The following SHISAL1 variants were observed in gnomAD, a reference collection of about 807,000 sequenced individuals.
SHISAL1 encodes the protein shisa like 1.
In SHISAL1, 9 loss-of-function variants were observed where a neutral mutation model predicts 22.6. The ratio of observed to expected loss-of-function variants is 0.40; its 90% CI spans 0.24 to 0.70. The LOEUF is 0.70. Ranked by LOEUF, SHISAL1 falls within the 30% of genes least tolerant of loss-of-function variation. The pLI, the probability that SHISAL1 is intolerant of heterozygous loss-of-function variation, is 0.39. For missense variants in SHISAL1, 246 were observed against 270.6 expected (o/e 0.91, Z 0.64); for synonymous variants, 119 against 115.4 (o/e 1.03, Z -0.20).
chr22:44,243,688 CCTT>C lies in SHISAL1; in HGVS notation c.*5994_*5996del, dbSNP rs2054974283. 1 of 152,176 alleles carries C rather than the reference CCTT, an allele frequency of 6.6e-6. No homozygotes were observed. The highest frequency in any genetic ancestry group is 6.5e-5 in the Admixed American group (1 of 15,274). 9.4% of individuals were successfully genotyped at this position (152,176 alleles called of 1,614,324 possible). On this transcript the variant is annotated 3_prime_UTR_variant, in exon 5 of 5. Coordinates refer to ENST00000381176, the MANE Select transcript of SHISAL1 (RefSeq NM_001099294.2). ...TCTAGGGAACAGTTGACATGACACT[CCTT>C]TATTAAAACCTAGGGACATTGTTAT...
chr22:44,285,803 G>A, intron 3 of SHISAL1, 58 bp from the exon 4 acceptor site: 1 of 1,411,474 alleles, frequency 7.1e-7, no homozygotes, highest in Non-Finnish European at 9.9e-7. Context: ...GCTCAGGCCG[G>A]CTTCATCAGT....
chr22:44,274,684 T>C lies in SHISAL1; in HGVS notation c.599+10744A>G, dbSNP rs891348777. 3.3e-5 allele frequency among the ~76,000 whole-genome samples: 5 copies of C among 152,094 alleles called. No homozygotes were observed. The South Asian group carries it at 8.3e-4, about 25-fold the overall frequency. ...AATCGCAGGGTCATCGCTGATTCAA[T>C]AGGAGAACAAAATCAGAAGGCACAT... On this transcript the variant is annotated intron_variant, in intron 4 of 4. Transcript: ENST00000381176.
At chr22:44,309,376 A>T (rs2055501856) in intron 1 of SHISAL1, among the ~76,000 whole-genome samples, 1 of 152,180 alleles carries the variant, frequency 6.6e-6, no homozygotes, top group African/African-American at 2.4e-5. Flanking sequence ...CTGGAGCCCC[A>T]CCAACAGTCC....
intron 3 of SHISAL1, among the ~76,000 whole-genome samples, chr22:44,289,827 ATGCAGGGGTCTT>A (rs2055341053): frequency 6.6e-6 from 1 of 152,256 alleles, no homozygotes; most frequent in Non-Finnish European, 1.5e-5. Flanking sequence ...TTCCATCCAG[ATGCAGGGGTCTT>A]TGTTGTGTGG....
rs2055019409 is a variant in SHISAL1 at position 44,248,159 on chromosome 22, T to G, written c.*1526A>C. On this transcript the variant is annotated 3_prime_UTR_variant, in exon 5 of 5. Coordinates refer to ENST00000381176, the MANE Select transcript of SHISAL1 (RefSeq NM_001099294.2). Reference sequence around the variant, plus strand: ...AGAGCACTCACTGCCTTCGCCACCTTCCTTCTTCACTGTCTTCCTGCCCCA... The same window carrying G: ...AGAGCACTCACTGCCTTCGCCACCTGCCTTCTTCACTGTCTTCCTGCCCCA... 1 of 152,244 alleles carries G rather than the reference T, an allele frequency of 6.6e-6. No homozygotes were observed. Among genetic ancestry groups the G allele is most frequent in the Non-Finnish European group, 1.5e-5 (1 of 68,118 alleles). The allele number at this position is 152,244 out of a possible 1,614,324, so 9.4% of individuals were successfully genotyped here. A position where few individuals can be genotyped will look rare whatever the true frequency, so the allele number is the denominator to read the frequency against.
Position 44,246,980 on chromosome 22 carries a change from T to A in SHISAL1, c.*2705A>T, listed in dbSNP as rs1426400044. 3 of 152,276 alleles carry A rather than the reference T, an allele frequency of 2.0e-5. No individual in the cohort carries two copies. Among genetic ancestry groups the A allele is most frequent in the Admixed American group, 1.3e-4 (2 of 15,278 alleles). The allele number at this position is 152,276 out of a possible 1,614,324, so 9.4% of individuals were successfully genotyped here. ...AGCAGGACCACAAACCCCATGGGTT[T>A]TTCAGTTATTCCTGAAAAGACCTCT... On this transcript the variant is annotated 3_prime_UTR_variant, in exon 5 of 5. Coordinates refer to ENST00000381176, the MANE Select transcript of SHISAL1 (RefSeq NM_001099294.2).
chr22:44,287,528 C>T (rs931520091), intron 3 of SHISAL1, among the ~76,000 whole-genome samples: 4 of 152,310 alleles, frequency 2.6e-5, no homozygotes, highest in South Asian at 4.1e-4. Context: ...GGTCACTGTG[C>T]GTCCTTGCTG....
intron 4 of SHISAL1, among the ~76,000 whole-genome samples, chr22:44,274,411 C>T (rs905934998): frequency 6.6e-6 from 1 of 152,162 alleles, no homozygotes; most frequent in Non-Finnish European, 1.5e-5. Context: ...TCAGGAATCT[C>T]CCTGCCTGGC....
chr22:44,262,323 G>A (rs886138046), intron 4 of SHISAL1, among the ~76,000 whole-genome samples: 3 of 151,882 alleles, frequency 2.0e-5, no homozygotes, highest in Admixed American at 1.3e-4. Context: ...CTGCAGAGGC[G>A]GCAGCCACAA....
At chr22:44,309,052 G>A (rs577270971) in intron 1 of SHISAL1, among the ~76,000 whole-genome samples, 166 of 152,262 alleles carry the variant, frequency 1.1e-3, no homozygotes, top group African/African-American at 3.4e-3. Flanking sequence ...CACCGTGTAC[G>A]TCCAAACTGA....
chr22:44,271,292 C>T (rs2055204255), intron 4 of SHISAL1, among the ~76,000 whole-genome samples: 1 of 152,170 alleles, frequency 6.6e-6, no homozygotes, highest in African/African-American at 2.4e-5. Flanking sequence ...CCTGCAGCAC[C>T]CAGCTATTCC....
intron 1 of SHISAL1, among the ~76,000 whole-genome samples, chr22:44,308,721 G>C (rs948124397): frequency 2.0e-5 from 3 of 152,186 alleles, no homozygotes; most frequent in South Asian, 2.1e-4. Context: ...CAGCGTGCCT[G>C]GTTTGTGTCC....
chr22:44,262,930 G>T (rs1454221511), intron 4 of SHISAL1, among the ~76,000 whole-genome samples: 1 of 152,088 alleles, frequency 6.6e-6, no homozygotes, highest in Non-Finnish European at 1.5e-5. Context: ...GAAAGCAGAG[G>T]AGTCATGAGG....
intron 3 of SHISAL1, among the ~76,000 whole-genome samples, chr22:44,294,351 C>G (rs1014158632): frequency 6.6e-6 from 1 of 152,134 alleles, no homozygotes; most frequent in Non-Finnish European, 1.5e-5. Context: ...GGCGGCTTCC[C>G]CCTGAGTGAA....
At chr22:44,330,906 G>C in the SHISAL1 span, among the ~76,000 whole-genome samples, 1 of 151,960 alleles carries the variant, frequency 6.6e-6, no homozygotes, top group African/African-American at 2.4e-5. Flanking sequence ...CCAGGGGCAC[G>C]CACTTGGGAG....
intron 4 of SHISAL1, among the ~76,000 whole-genome samples, chr22:44,278,954 A>G (rs2055258536): frequency 6.6e-6 from 1 of 152,076 alleles, no homozygotes; most frequent in Non-Finnish European, 1.5e-5. Flanking sequence ...GGGACCTCTC[A>G]TCACCATCAT....
At chr22:44,305,662 C>T (rs569691850) in intron 1 of SHISAL1, among the ~76,000 whole-genome samples, 4 of 152,358 alleles carry the variant, frequency 2.6e-5, no homozygotes, top group East Asian at 3.9e-4. Flanking sequence ...TGGATTTGCA[C>T]ACTGCAGGTG....
At chr22:44,254,856 C>T (rs1569207169) in intron 4 of SHISAL1, among the ~76,000 whole-genome samples, 1 of 152,208 alleles carries the variant, frequency 6.6e-6, no homozygotes, top group African/African-American at 2.4e-5. Flanking sequence ...TTTCACTTCT[C>T]ACCATCACTT....
intron 4 of SHISAL1, among the ~76,000 whole-genome samples, chr22:44,254,238 AAAGAAAGACAAAATAAACCT>A (rs1325312842): frequency 6.6e-4 from 101 of 152,306 alleles, no homozygotes; most frequent in African/African-American, 2.3e-3. Flanking sequence ...AAAAGTTAGA[AAAGAAAGACAAAATAAACCT>A]AAGAAAGACA....
Sources: allele counts gnomAD v4.1 joint callset (sites outside exome capture counted in the v4.1 genomes callset), GRCh38; gene constraint gnomAD v4.1.1; transcripts MANE v1.5; gene names NCBI Gene and HGNC (gene_info 2026-07-23, HGNC 2026-07-21).